ACVR1C: variants seen among roughly 807,000 people sequenced by gnomAD.
The protein encoded by ACVR1C is activin A receptor type 1C.
A neutral mutation model predicts 57.9 loss-of-function variants in ACVR1C; 23 were observed. The ratio of observed to expected loss-of-function variants is 0.40; its 90% CI spans 0.29 to 0.56. The LOEUF (loss-of-function observed/expected upper bound fraction) is 0.56, where lower values mean the gene tolerates loss of function less well. Ranked by LOEUF, ACVR1C falls within the 20% of genes least tolerant of loss-of-function variation. The pLI, the probability that ACVR1C is intolerant of heterozygous loss-of-function variation, is 0.50. For synonymous variants in ACVR1C, 214 were observed against 215.3 expected (o/e 0.99, Z 0.05); for missense variants, 480 against 607.9 (o/e 0.79, Z 2.21).
At chr2:157,596,363 A>C (rs1216505383) in intron 1 of ACVR1C, among the ~76,000 whole-genome samples, 1 of 152,170 alleles carries the variant, frequency 6.6e-6, no homozygotes, top group Admixed American at 6.5e-5. Context: ...TTGCCCCTTG[A>C]CAAAAAGAAG....
At chr2:157,620,426 T>G (rs1341383246) in intron 1 of ACVR1C, among the ~76,000 whole-genome samples, 2 of 151,896 alleles carry the variant, frequency 1.3e-5, no homozygotes, top group Non-Finnish European at 2.9e-5. Context: ...TCCAGGGGAG[T>G]AGGCCAGGAA....
intron 1 of ACVR1C, among the ~76,000 whole-genome samples, chr2:157,615,701 A>G (rs1682630781): frequency 6.6e-6 from 1 of 152,174 alleles, no homozygotes; most frequent in African/African-American, 2.4e-5. Flanking sequence ...ATTTAAAAAA[A>G]CTTCATGTAG....
At chr2:157,542,915 A>G in intron 5 of ACVR1C, 53 bp from the exon 6 acceptor site, 2 of 1,553,108 alleles carry the variant, frequency 1.3e-6, no homozygotes, top group Non-Finnish European at 8.7e-7. Flanking sequence ...AGACTGTTCA[A>G]GAGAAATCAT....
chr2:157,578,237 T>G (rs997866544), intron 2 of ACVR1C, among the ~76,000 whole-genome samples: 1 of 152,156 alleles, frequency 6.6e-6, no homozygotes, highest in Non-Finnish European at 1.5e-5. Context: ...TTTTTATTAT[T>G]CCATTTTTCC....
intron 8 of ACVR1C, among the ~76,000 whole-genome samples, chr2:157,537,552 T>C (rs1249509026): frequency 6.6e-6 from 1 of 151,850 alleles, no homozygotes; most frequent in East Asian, 1.9e-4. Context: ...AGAAACATGA[T>C]TAAATTAGAA....
chr2:157,606,007 T>TGAGAGCA (rs1471405997), intron 1 of ACVR1C, among the ~76,000 whole-genome samples: 1 of 151,638 alleles, frequency 6.6e-6, no homozygotes, highest in Non-Finnish European at 1.5e-5. Flanking sequence ...TCTATGTTCA[T>TGAGAGCA]GAGAGCAAGT....
intron 1 of ACVR1C, among the ~76,000 whole-genome samples, chr2:157,598,343 A>G (rs1682190131): frequency 6.6e-6 from 1 of 151,794 alleles, no homozygotes; most frequent in South Asian, 2.1e-4. Flanking sequence ...GTTAATTAAA[A>G]TATTTATTAA....
At chr2:157,546,622 T>A (rs528038478) in intron 4 of ACVR1C, among the ~76,000 whole-genome samples, 1 of 152,216 alleles carries the variant, frequency 6.6e-6, no homozygotes, top group East Asian at 1.9e-4. Context: ...TAACTGGAGC[T>A]AAAGTTTAAA....
chr2:157,545,884 C>T (rs1221468902), intron 4 of ACVR1C, among the ~76,000 whole-genome samples: 1 of 152,170 alleles, frequency 6.6e-6, no homozygotes, highest in Non-Finnish European at 1.5e-5. Context: ...AAGCAATTCT[C>T]CTGCCCCCAC....
At chr2:157,612,966 A>C (rs1363429858) in intron 1 of ACVR1C, among the ~76,000 whole-genome samples, 1 of 152,176 alleles carries the variant, frequency 6.6e-6, no homozygotes, top group Non-Finnish European at 1.5e-5. Flanking sequence ...GACCCAGTAC[A>C]AGTTCCCTGT....
intron 2 of ACVR1C, among the ~76,000 whole-genome samples, chr2:157,562,459 AAAAAT>A (rs145869067): frequency 0.73 from 79,217 of 107,906 alleles, 30,676 homozygotes; most frequent in Non-Finnish European, 0.83. Flanking sequence ...TACCAACCAA[AAAAAT>A]AAAATAAAAT....
At chr2:157,606,615 C>A (rs1682403427) in intron 1 of ACVR1C, among the ~76,000 whole-genome samples, 1 of 151,736 alleles carries the variant, frequency 6.6e-6, no homozygotes, top group Non-Finnish European at 1.5e-5. Flanking sequence ...TGAGAAATGT[C>A]TATTCATAAT....
chr2:157,579,159 G>A (rs982370176), intron 2 of ACVR1C, among the ~76,000 whole-genome samples: 14 of 152,084 alleles, frequency 9.2e-5, no homozygotes, highest in African/African-American at 3.4e-4. Context: ...GGGGAAGGGC[G>A]TTCTTCTCAA....
At chr2:157,534,749 C>T (rs1353979207) in intron 8 of ACVR1C, among the ~76,000 whole-genome samples, 3 of 152,098 alleles carry the variant, frequency 2.0e-5, no homozygotes, top group Non-Finnish European at 2.9e-5. Flanking sequence ...TACAGGAAAA[C>T]GCTGAAGCAA....
chr2:157,605,003 T>C (rs1682361078), intron 1 of ACVR1C, among the ~76,000 whole-genome samples: 1 of 151,858 alleles, frequency 6.6e-6, no homozygotes, highest in Non-Finnish European at 1.5e-5. Context: ...TCTTCTCTGT[T>C]TTCTTTTAGA....
At position 157,572,403 on chromosome 2, in the gene ACVR1C, A is replaced by C. The variant is rs551143885; in HGVS notation, c.304+14784T>G. 9.2e-5 allele frequency among the ~76,000 whole-genome samples: 14 copies of C among 152,008 alleles called. No homozygotes were observed. In the South Asian group the frequency reaches 2.9e-3, roughly 32 times the overall value. On this transcript the variant is annotated intron_variant, in intron 2 of 8. Transcript: ENST00000243349. ...TTAAAAAAAAAAAAAAGTCTATGCT[A>C]GCATAACTTCTCCACAGCTAGTATA...
At chr2:157,555,671 T>C (rs1240984620) in intron 3 of ACVR1C, among the ~76,000 whole-genome samples, 1 of 152,166 alleles carries the variant, frequency 6.6e-6, no homozygotes, top group African/African-American at 2.4e-5. Flanking sequence ...CAAAGAACAC[T>C]ACTTTGTATA....
At chr2:157,537,143 A>G (rs977884047) in intron 8 of ACVR1C, among the ~76,000 whole-genome samples, 8 of 152,226 alleles carry the variant, frequency 5.3e-5, no homozygotes, top group African/African-American at 1.9e-4. Flanking sequence ...ATGCAAAAGT[A>G]AACAACATAT....
intron 7 of ACVR1C, 26 bp from the exon 8 acceptor site, chr2:157,538,729 T>G: frequency 6.9e-7 from 1 of 1,452,724 alleles, no homozygotes. Context: ...ATAATAAATT[T>G]CCATGTGCAA....
Sources: gnomAD v4.1 joint callset for allele counts (sites outside exome capture counted in the v4.1 genomes callset) on GRCh38, gnomAD v4.1.1 for gene constraint, MANE v1.5 for transcripts, NCBI Gene and HGNC (gene_info 2026-07-23, HGNC 2026-07-21) for gene names.